Variants in FER observed in about 807,000 individuals in gnomAD.
FER encodes the protein FER tyrosine kinase.
In FER, 63 loss-of-function variants were observed where a neutral mutation model predicts 111.0. The ratio of observed to expected loss-of-function variants is 0.57; its 90% CI spans 0.46 to 0.70. FER has a LOEUF of 0.70. Ranked by LOEUF, FER falls within the 30% of genes least tolerant of loss-of-function variation. The pLI is 0.00. For synonymous variants in FER, 327 were observed against 313.9 expected, an observed-to-expected ratio of 1.04 and a Z score of -0.44; for missense variants, 914 against 954.0, an observed-to-expected ratio of 0.96 and a Z score of 0.55.
intron 3 of FER, among the ~76,000 whole-genome samples, chr5:108,801,726 C>T (rs548061684): frequency 6.6e-6 from 1 of 152,164 alleles, no homozygotes; most frequent in Non-Finnish European, 1.5e-5. Context: ...GCAAACTCAG[C>T]ATATGTTTTT....
intron 3 of FER, among the ~76,000 whole-genome samples, chr5:108,819,159 G>C (rs1758573657): frequency 2.0e-5 from 3 of 149,944 alleles, no homozygotes; most frequent in Non-Finnish European, 4.4e-5. Flanking sequence ...GGGACTGCAG[G>C]TGTGCACCAC....
chr5:109,081,245 A>G (rs149752447), intron 16 of FER, among the ~76,000 whole-genome samples: 1 of 152,144 alleles, frequency 6.6e-6, no homozygotes, highest in African/African-American at 2.4e-5. Flanking sequence ...TCTTAAACGA[A>G]TATAGAATGG....
chr5:109,134,003 T>C (rs957617263), intron 17 of FER, among the ~76,000 whole-genome samples: 2 of 152,028 alleles, frequency 1.3e-5, no homozygotes, highest in African/African-American at 4.8e-5. Context: ...GAATAATTTT[T>C]CTCTCTTCCT....
intron 13 of FER, among the ~76,000 whole-genome samples, chr5:109,004,141 A>C (rs1765194689): frequency 6.6e-6 from 1 of 152,222 alleles, no homozygotes; most frequent in Non-Finnish European, 1.5e-5. Context: ...TTTCTGAATG[A>C]CAGTTGGGCA....
At chr5:109,079,109 T>C (rs544156040) in intron 16 of FER, among the ~76,000 whole-genome samples, 7 of 152,252 alleles carry the variant, frequency 4.6e-5, no homozygotes, top group African/African-American at 1.7e-4. Flanking sequence ...ATTCTCCTTG[T>C]TTATTTTTTT....
chr5:109,069,830 A>G (rs570423869), intron 16 of FER, among the ~76,000 whole-genome samples: 2 of 152,252 alleles, frequency 1.3e-5, no homozygotes, highest in Non-Finnish European at 2.9e-5. Context: ...TAAGGAAATA[A>G]AAACCTTAAA....
chr5:108,951,037 C>T (rs1757665152), intron 11 of FER, among the ~76,000 whole-genome samples: 2 of 151,836 alleles, frequency 1.3e-5, no homozygotes, highest in African/African-American at 4.8e-5. Context: ...TTGGGAGGCT[C>T]GGGCAGGCGG....
intron 17 of FER, among the ~76,000 whole-genome samples, chr5:109,103,656 G>A (rs1189039255): frequency 2.6e-5 from 4 of 152,088 alleles, no homozygotes; most frequent in African/African-American, 7.2e-5. Context: ...CTATTCTGTA[G>A]GCCAGTGTGA....
At chr5:108,776,996 A>G (rs1264069251) in intron 2 of FER, among the ~76,000 whole-genome samples, 2 of 152,306 alleles carry the variant, frequency 1.3e-5, no homozygotes, top group East Asian at 3.9e-4. Flanking sequence ...CATAGAAACT[A>G]TTGTTTAAAA....
intron 16 of FER, among the ~76,000 whole-genome samples, chr5:109,087,438 CTACT>C (rs1233287128): frequency 1.3e-5 from 2 of 151,786 alleles, no homozygotes; most frequent in African/African-American, 2.4e-5. Flanking sequence ...TCCCTTTGCT[CTACT>C]TATTCTATTA....
intron 3 of FER, among the ~76,000 whole-genome samples, chr5:108,799,043 C>G (rs1409349426): frequency 6.6e-6 from 1 of 152,146 alleles, no homozygotes; most frequent in Non-Finnish European, 1.5e-5. Flanking sequence ...CTGAATTCTT[C>G]TGTGAACCAT....
intron 14 of FER, among the ~76,000 whole-genome samples, chr5:109,043,230 G>C (rs1771436820): frequency 6.6e-6 from 1 of 152,156 alleles, no homozygotes; most frequent in African/African-American, 2.4e-5. Flanking sequence ...AAGTGCTTTA[G>C]GTAAGTGGAG....
intron 2 of FER, among the ~76,000 whole-genome samples, chr5:108,778,921 C>G (rs1465931519): frequency 6.6e-6 from 1 of 151,724 alleles, no homozygotes; most frequent in Non-Finnish European, 1.5e-5. Context: ...ATGTTGTCCT[C>G]TAGGAGTTTT....
rs539284531 is a variant in FER, at chr5:109,184,467, C to T, written c.2204-1733C>T. ...CCCAACAAAACCAGGTTCAAAGATC[C>T]AGGTTTCAGAGCTAGGTTATAAGCT... is the stretch of plus-strand genomic sequence containing the variant. On this transcript the variant is annotated intron_variant, in intron 18 of 19. Coordinates refer to ENST00000281092, the MANE Select transcript of FER (RefSeq NM_005246.4). Among the ~76,000 whole-genome samples the T allele has an allele frequency of 7.2e-5, 11 of 152,268 alleles. 1 individual carries two copies. The highest frequency in any genetic ancestry group is 2.2e-4 in the African/African-American group (9 of 41,552).
chr5:108,968,764 A>C (rs191858114), intron 13 of FER, among the ~76,000 whole-genome samples: 2 of 152,224 alleles, frequency 1.3e-5, no homozygotes, highest in East Asian at 3.9e-4. Flanking sequence ...TAAATAATTA[A>C]AATACTTGTT....
intron 2 of FER, among the ~76,000 whole-genome samples, chr5:108,793,565 G>A (rs1157560083): frequency 6.8e-6 from 1 of 146,564 alleles, no homozygotes; most frequent in Non-Finnish European, 1.5e-5. Flanking sequence ...TGGATTATAT[G>A]GTAGCTCAGT....
chr5:108,816,759 T>G (rs759805462), intron 3 of FER, among the ~76,000 whole-genome samples: 22 of 152,140 alleles, frequency 1.4e-4, no homozygotes, highest in Non-Finnish European at 2.6e-4. Flanking sequence ...CAAAGCCTGT[T>G]AAATAAGAAT....
intron 17 of FER, among the ~76,000 whole-genome samples, chr5:109,174,635 G>A (rs1757490168): frequency 6.6e-6 from 1 of 152,124 alleles, no homozygotes; most frequent in Admixed American, 6.6e-5. Flanking sequence ...ACATTTGGCT[G>A]CTTCATTAGA....
rs1036601571 is a variant in FER at position 109,189,687 on chromosome 5, A to T, written c.*2112A>T. On this transcript the variant is annotated 3_prime_UTR_variant, in exon 20 of 20. Coordinates refer to ENST00000281092, the MANE Select transcript of FER (RefSeq NM_005246.4). ...TAGTATTTCTAAGTGAATCTCTGTA[A>T]TATTCTTTGTCTGTTTAAAGAAAAC... The T allele has an allele frequency of 1.3e-5, 2 of 152,058 alleles. No individual in the cohort carries two copies. Among genetic ancestry groups the T allele is most frequent in the Non-Finnish European group, 2.9e-5 (2 of 68,004 alleles). 9.4% of individuals were successfully genotyped at this position (152,058 alleles called of 1,614,324 possible). A position where few individuals can be genotyped will look rare whatever the true frequency, so the allele number is the denominator to read the frequency against.
Sources: allele counts gnomAD v4.1 joint callset (sites outside exome capture counted in the v4.1 genomes callset), GRCh38; gene constraint gnomAD v4.1.1; transcripts MANE v1.5; gene names NCBI Gene and HGNC (gene_info 2026-07-23, HGNC 2026-07-21).